GPC6: variants seen among roughly 807,000 people sequenced by gnomAD.
GPC6 encodes glypican 6, also known as glypican-6.
GPC6 carries 14 observed loss-of-function variants against 55.2 expected under a neutral mutation model. That is an observed-to-expected ratio of 0.25 (90% confidence interval 0.17 to 0.40). The LOEUF is 0.40. GPC6 is among the 10% of genes least tolerant of loss of function. GPC6 has a pLI of 1.00. For synonymous variants in GPC6, 278 were observed against 259.6 expected (o/e 1.07, Z -0.68); for missense variants, 641 against 708.5 (o/e 0.90, Z 1.08).
At chr13:94,103,984 C>T (rs1174769051) in intron 4 of GPC6, among the ~76,000 whole-genome samples, 1 of 152,106 alleles carries the variant, frequency 6.6e-6, no homozygotes, top group Non-Finnish European at 1.5e-5. Context: ...ATGGTATTGC[C>T]TAGGTTTTCT....
chr13:93,835,502 G>C (rs1283669950), intron 3 of GPC6, among the ~76,000 whole-genome samples: 1 of 151,544 alleles, frequency 6.6e-6, no homozygotes, highest in African/African-American at 2.4e-5. Flanking sequence ...CCTGTAATTT[G>C]AGCACTTTGG....
At chr13:93,438,426 G>A (rs1258466474) in intron 1 of GPC6, among the ~76,000 whole-genome samples, 1 of 152,220 alleles carries the variant, frequency 6.6e-6, no homozygotes, top group East Asian at 1.9e-4. Flanking sequence ...AATGATTTAT[G>A]GGAAGAGTCA....
intron 1 of GPC6, among the ~76,000 whole-genome samples, chr13:93,353,486 A>T (rs748392220): frequency 3.3e-5 from 5 of 152,216 alleles, no homozygotes; most frequent in Non-Finnish European, 7.3e-5. Flanking sequence ...TCGTGAAATT[A>T]TCAGTTGACT....
At chr13:93,653,052 T>C (rs1880487785) in intron 2 of GPC6, among the ~76,000 whole-genome samples, 2 of 152,206 alleles carry the variant, frequency 1.3e-5, no homozygotes, top group Non-Finnish European at 2.9e-5. Flanking sequence ...TACTACATAT[T>C]GTATTTAGGC....
At chr13:94,184,511 A>AC (rs776890957) in intron 4 of GPC6, among the ~76,000 whole-genome samples, 34 of 152,196 alleles carry the variant, frequency 2.2e-4, no homozygotes, top group Non-Finnish European at 4.0e-4. Flanking sequence ...AAGAAGACGT[A>AC]CACACAACCA....
intron 1 of GPC6, among the ~76,000 whole-genome samples, chr13:93,311,466 C>T (rs1879065497): frequency 6.6e-6 from 1 of 152,042 alleles, no homozygotes; most frequent in Non-Finnish European, 1.5e-5. Flanking sequence ...GGACATTATG[C>T]CTCTACTATT....
At chr13:93,405,033 G>A (rs528779955) in intron 1 of GPC6, among the ~76,000 whole-genome samples, 54 of 152,210 alleles carry the variant, frequency 3.5e-4, no homozygotes, top group South Asian at 8.3e-4. Context: ...AAATTTCAGC[G>A]TGGGTATGAT....
At chr13:93,549,619 T>A (rs1239591885) in intron 2 of GPC6, among the ~76,000 whole-genome samples, 1 of 152,132 alleles carries the variant, frequency 6.6e-6, no homozygotes, top group East Asian at 1.9e-4. Flanking sequence ...ATCTCTCCAG[T>A]GCTTTCCAGT....
chr13:93,903,453 G>A (rs948846697), intron 3 of GPC6, among the ~76,000 whole-genome samples: 11 of 152,182 alleles, frequency 7.2e-5, no homozygotes, highest in Non-Finnish European at 1.5e-4. Context: ...ACTTCTTGCA[G>A]TGGGGTCAAG....
intron 1 of GPC6, among the ~76,000 whole-genome samples, chr13:93,540,423 G>A (rs1882246128): frequency 6.6e-6 from 1 of 151,944 alleles, no homozygotes; most frequent in East Asian, 1.9e-4. Context: ...TTATTAACTT[G>A]AATTTGATGT....
chr13:93,267,380 T>C (rs1034102099), intron 1 of GPC6, among the ~76,000 whole-genome samples: 10 of 147,688 alleles, frequency 6.8e-5, no homozygotes, highest in African/African-American at 2.0e-4. Flanking sequence ...TTCATCGTTT[T>C]CCACAGGAGA....
chr13:94,307,520 C>T (rs1222460878), intron 6 of GPC6, among the ~76,000 whole-genome samples: 3 of 152,074 alleles, frequency 2.0e-5, no homozygotes, highest in Non-Finnish European at 4.4e-5. Context: ...GCCATGTTGT[C>T]CAGGCTGGTC....
At chr13:93,479,546 G>T (rs1879421072) in intron 1 of GPC6, among the ~76,000 whole-genome samples, 1 of 151,952 alleles carries the variant, frequency 6.6e-6, no homozygotes, top group Non-Finnish European at 1.5e-5. Flanking sequence ...CACTTTGGGA[G>T]GCCAAGGCGG....
intron 1 of GPC6, among the ~76,000 whole-genome samples, chr13:93,323,411 C>T (rs554041287): frequency 6.6e-6 from 1 of 152,272 alleles, no homozygotes; most frequent in South Asian, 2.1e-4. Flanking sequence ...GTCTCTCCTA[C>T]CATTTTTCTT....
intron 3 of GPC6, among the ~76,000 whole-genome samples, chr13:93,875,250 C>T (rs1174145504): frequency 6.6e-6 from 1 of 151,982 alleles, no homozygotes; most frequent in East Asian, 1.9e-4. Context: ...TGCCATTTCT[C>T]CTTTTTCTCT....
chr13:93,260,737 C>T (rs1328369), intron 1 of GPC6, among the ~76,000 whole-genome samples: 86,271 of 151,818 alleles, frequency 0.57, 25,071 homozygotes, highest in East Asian at 0.67. Context: ...TACCATTTTT[C>T]ATAGTGCTAC....
chr13:94,250,480 A>G (rs1891315460), intron 4 of GPC6, among the ~76,000 whole-genome samples: 1 of 152,214 alleles, frequency 6.6e-6, no homozygotes, highest in Non-Finnish European at 1.5e-5. Flanking sequence ...ATCTGAAATT[A>G]TGCTCACATG....
intron 1 of GPC6, among the ~76,000 whole-genome samples, chr13:93,460,292 G>A (rs139175745): frequency 1.6e-3 from 248 of 152,256 alleles, no homozygotes; most frequent in Non-Finnish European, 2.9e-3. Context: ...ATTACTGCTG[G>A]TTCTTCAACC....
At chr13:93,374,788 G>A (rs778138237) in intron 1 of GPC6, among the ~76,000 whole-genome samples, 11 of 152,124 alleles carry the variant, frequency 7.2e-5, no homozygotes, top group Non-Finnish European at 1.2e-4. Flanking sequence ...TATGGATATG[G>A]TAATCATATT....
Sources: allele counts gnomAD v4.1 joint callset (sites outside exome capture counted in the v4.1 genomes callset), GRCh38; gene constraint gnomAD v4.1.1; transcripts MANE v1.5; gene names NCBI Gene and HGNC (gene_info 2026-07-23, HGNC 2026-07-21).